Variants in LHFPL3 observed in about 807,000 individuals in gnomAD.
LHFPL3 encodes LHFPL tetraspan subfamily member 3.
In LHFPL3, 5 loss-of-function variants were observed where a neutral mutation model predicts 19.3. The observed-to-expected ratio is 0.26, with a 90% confidence interval of 0.14 to 0.54. The LOEUF is 0.54. Among genes scored for constraint, LHFPL3 ranks in the 20% least tolerant of loss-of-function variants. The probability of loss-of-function intolerance (pLI) is 0.94; values close to 1 mark genes in which losing one functional copy is unlikely to be tolerated. For missense variants in LHFPL3, 249 were observed against 307.4 expected (o/e 0.81, Z 1.42); for synonymous variants, 133 against 126.2 (o/e 1.05, Z -0.36).
chr7:104,542,146 T>C, intron 1 of LHFPL3, among the ~76,000 whole-genome samples: 1 of 151,942 alleles, frequency 6.6e-6, no homozygotes, highest in East Asian at 1.9e-4. Flanking sequence ...CACTGGACAC[T>C]GAGAGCAGCA....
At chr7:104,554,132 A>G (rs75032105) in intron 1 of LHFPL3, among the ~76,000 whole-genome samples, 7,692 of 152,064 alleles carry the variant, frequency 0.051, 266 homozygotes, top group African/African-American at 0.093. Flanking sequence ...TGTCTCTTTT[A>G]TTTTGACAAA....
chr7:104,385,433 T>A (rs1477100265), intron 1 of LHFPL3, among the ~76,000 whole-genome samples: 1 of 152,232 alleles, frequency 6.6e-6, no homozygotes, highest in East Asian at 1.9e-4. Flanking sequence ...GTCCTAAAGA[T>A]GTGGCCCTAT....
At position 104,771,775 on chromosome 7, in the gene LHFPL3, T is replaced by C. The variant is rs145633900; in HGVS notation, c.682+34864T>C. Among the ~76,000 whole-genome samples the C allele has an allele frequency of 5.1e-3, 769 of 151,558 alleles. 4 individuals carry two copies. The highest frequency in any genetic ancestry group is 0.018 in the African/African-American group (724 of 41,328). ...TCTCCTTAAGCCCAGAAGTTACCCT[T>C]AGTTTTATTTTCAATACTTATTAAT... On this transcript the variant is annotated intron_variant, in intron 2 of 2. Transcript: ENST00000424859.
At position 104,512,057 on chromosome 7, in the gene LHFPL3, C is replaced by T. The variant is rs548652417; in HGVS notation, c.445+182833C>T. On this transcript the variant is annotated intron_variant, in intron 1 of 2. Transcript: ENST00000424859. The stretch of plus-strand genomic sequence containing the variant: ...GCAACCTCCACCTCCCAGGTTCAAG[C>T]GATTCTCATACCTCAGCCACCTGAA... Among the ~76,000 whole-genome samples the T allele has an allele frequency of 1.1e-4, 17 of 148,862 alleles. 1 individual carries two copies. The highest frequency in any genetic ancestry group is 6.4e-4 in the South Asian group (3 of 4,724).
chr7:104,554,640 CAGATAGA>C (rs1794725292), intron 1 of LHFPL3, among the ~76,000 whole-genome samples: 1 of 143,870 alleles, frequency 7.0e-6, no homozygotes, highest in African/African-American at 2.7e-5. Context: ...ATTAGATAGA[CAGATAGA>C]TAGATAGATA....
chr7:104,587,521 G>A (rs935834324), intron 1 of LHFPL3, among the ~76,000 whole-genome samples: 26 of 152,200 alleles, frequency 1.7e-4, no homozygotes, highest in African/African-American at 6.3e-4. Flanking sequence ...GTCTATCATT[G>A]TTGGACATTT....
chr7:104,394,311 T>C (rs1791140207), intron 1 of LHFPL3, among the ~76,000 whole-genome samples: 3 of 152,184 alleles, frequency 2.0e-5, no homozygotes, highest in African/African-American at 7.2e-5. Flanking sequence ...GTGCCTCTGG[T>C]CCTCAAATGA....
chr7:104,903,927 T>C (rs910958012), intron 2 of LHFPL3, among the ~76,000 whole-genome samples: 1 of 152,232 alleles, frequency 6.6e-6, no homozygotes, highest in Non-Finnish European at 1.5e-5. Flanking sequence ...GAAGGATTTA[T>C]TTTCCTTTGG....
At chr7:104,582,164 T>C (rs1340634858) in intron 1 of LHFPL3, among the ~76,000 whole-genome samples, 1 of 151,924 alleles carries the variant, frequency 6.6e-6, no homozygotes, top group Non-Finnish European at 1.5e-5. Flanking sequence ...AAGAGATTTG[T>C]ACATCTTTTT....
chr7:104,744,003 A>C (rs1235698081), intron 2 of LHFPL3: 3 of 151,340 alleles, frequency 2.0e-5, no homozygotes, highest in African/African-American at 7.3e-5. Flanking sequence ...ACACCCTGCA[A>C]ATTTTTTTTG....
chr7:104,577,835 G>A (rs561845025), intron 1 of LHFPL3, among the ~76,000 whole-genome samples: 124 of 152,266 alleles, frequency 8.1e-4, no homozygotes, highest in African/African-American at 2.9e-3. Context: ...TCTGGCCCAA[G>A]ACTCCTAATG....
chr7:104,385,100 G>A (rs1286145455), intron 1 of LHFPL3, among the ~76,000 whole-genome samples: 5 of 152,074 alleles, frequency 3.3e-5, no homozygotes, highest in South Asian at 2.1e-4. Flanking sequence ...GGTGACTCAC[G>A]CCTGTAATCC....
At chr7:104,595,489 A>C (rs766892020) in intron 1 of LHFPL3, among the ~76,000 whole-genome samples, 10 of 152,186 alleles carry the variant, frequency 6.6e-5, no homozygotes, top group Non-Finnish European at 1.2e-4. Flanking sequence ...CTACTTTGAC[A>C]TGTCTCCCAA....
intron 1 of LHFPL3, among the ~76,000 whole-genome samples, chr7:104,545,322 A>G (rs1794558843): frequency 6.6e-6 from 1 of 152,138 alleles, no homozygotes; most frequent in South Asian, 2.1e-4. Flanking sequence ...ACCTCTGAAT[A>G]GGCTATTCTG....
Position 104,483,682 on chromosome 7 carries a change from C to T in LHFPL3, c.445+154458C>T, listed in dbSNP as rs79941434. Among the ~76,000 whole-genome samples the T allele has an allele frequency of 4.0e-3, 608 of 152,294 alleles. 22 individuals are homozygous for T. The East Asian group carries it at 0.097, about 24-fold the overall frequency. On this transcript the variant is annotated intron_variant, in intron 1 of 2. Transcript: ENST00000424859. ...TGTCACCCAGGCTGGAGTACAGTGG[C>T]GATCATCACTGCAGCCTCAAACTCC...
chr7:104,850,065 G>A (rs1434347927), intron 2 of LHFPL3, among the ~76,000 whole-genome samples: 1 of 152,218 alleles, frequency 6.6e-6, no homozygotes, highest in Non-Finnish European at 1.5e-5. Flanking sequence ...CAGTTTGGGA[G>A]GCCAAGGTGG....
At chr7:104,608,261 G>A (rs1040699039) in intron 1 of LHFPL3, among the ~76,000 whole-genome samples, 3 of 151,802 alleles carry the variant, frequency 2.0e-5, no homozygotes, top group Admixed American at 6.6e-5. Flanking sequence ...GTCCAACAAC[G>A]ATAGACTGGA....
intron 1 of LHFPL3, among the ~76,000 whole-genome samples, chr7:104,414,997 G>A (rs150024167): frequency 7.2e-5 from 11 of 152,192 alleles, no homozygotes; most frequent in African/African-American, 1.9e-4. Context: ...GTTACATTTC[G>A]GGTAAATGTT....
chr7:104,688,983 T>TA (rs1258401686), intron 1 of LHFPL3, among the ~76,000 whole-genome samples: 14 of 152,136 alleles, frequency 9.2e-5, no homozygotes, highest in East Asian at 1.9e-4. Context: ...CTCAGGGAGT[T>TA]AAAAAAAGTT....
Sources: gnomAD v4.1 joint callset for allele counts (sites outside exome capture counted in the v4.1 genomes callset) on GRCh38, gnomAD v4.1.1 for gene constraint, MANE v1.5 for transcripts, NCBI Gene and HGNC (gene_info 2026-07-23, HGNC 2026-07-21) for gene names.